The following INO80 variants were observed in gnomAD, a reference collection of about 807,000 sequenced individuals.
INO80 encodes INO80 complex ATPase subunit.
A neutral mutation model predicts 203.4 loss-of-function variants in INO80; 20 were observed. That is an observed-to-expected ratio of 0.10 (90% CI 0.07 to 0.14). The LOEUF is 0.14. Among genes scored for constraint, INO80 ranks in the 10% least tolerant of loss-of-function variants. The pLI, the probability that INO80 is intolerant of heterozygous loss-of-function variation, is 1.00. For missense variants in INO80, 1,419 were observed against 1,914.4 expected (o/e 0.74, Z 4.83); for synonymous variants, 726 against 685.2 (o/e 1.06, Z -0.93).
At chr15:41,063,736 A>T (rs578228662) in intron 14 of INO80, among the ~76,000 whole-genome samples, 1 of 152,180 alleles carries the variant, frequency 6.6e-6, no homozygotes, top group Non-Finnish European at 1.5e-5. Flanking sequence ...GCGCCACTGC[A>T]CTCCAGCCTG....
chr15:41,062,453 T>C (rs2045129561), intron 14 of INO80, among the ~76,000 whole-genome samples: 2 of 152,002 alleles, frequency 1.3e-5, no homozygotes, highest in South Asian at 4.2e-4. Context: ...AATACAAAAA[T>C]TAGCTGGGCG....
At chr15:41,013,104 C>CACAACAACA (rs1555399574) in intron 27 of INO80, 4 of 150,524 alleles carry the variant, frequency 2.7e-5, no homozygotes, top group African/African-American at 7.4e-5. Flanking sequence ...CAACAACAAC[C>CACAACAACA]ACCACAACAA....
At chr15:41,000,830 CAGA>C (rs1245438181) in intron 28 of INO80, among the ~76,000 whole-genome samples, 1 of 150,144 alleles carries the variant, frequency 6.7e-6, no homozygotes, top group Non-Finnish European at 1.5e-5. Flanking sequence ...GGGCTATATA[CAGA>C]AGAACACTAG....
chr15:40,990,792 C>G (rs1443293148), intron 29 of INO80, among the ~76,000 whole-genome samples: 1 of 152,176 alleles, frequency 6.6e-6, no homozygotes, highest in Admixed American at 6.5e-5. Flanking sequence ...GAGAACAGAG[C>G]TAACAAAAGT....
At chr15:41,046,771 C>T (rs751493569) in intron 23 of INO80, among the ~76,000 whole-genome samples, 5 of 151,884 alleles carry the variant, frequency 3.3e-5, no homozygotes, top group Non-Finnish European at 5.9e-5. Context: ...TGGTGTACCA[C>T]CACACCCAGC....
chr15:40,984,374 T>A (rs185094530), intron 32 of INO80, 22 bp from the exon 33 acceptor site: 1 of 1,609,468 alleles, frequency 6.2e-7, no homozygotes, highest in Non-Finnish European at 8.5e-7. Flanking sequence ...CGGATAAATA[T>A]GGAAAACGTG....
intron 16 of INO80, among the ~76,000 whole-genome samples, chr15:41,057,923 T>TA (rs1024402239): frequency 1.4e-5 from 2 of 146,108 alleles, no homozygotes; most frequent in African/African-American, 2.5e-5. Flanking sequence ...CATGAGTTAA[T>TA]AAAAAAAATA....
chr15:41,095,976 ATAATT>A lies in INO80; in HGVS notation c.144-53_144-49del, dbSNP rs374815660. On this transcript the variant is annotated intron_variant, in intron 2 of 35. Coordinates refer to ENST00000648947, the MANE Select transcript of INO80 (RefSeq NM_017553.3). ...ACAATTACAGCTGACCCAATAAAAT[ATAATT>A]TAAAGTTAGAACTGGACACTTTACA... The A allele has an allele frequency of 5.4e-4, 842 of 1,559,342 alleles. 3 individuals are homozygous for A. The Middle Eastern group carries it at 0.016, about 29-fold the overall frequency.
At chr15:41,013,567 C>G (rs1428040327) in intron 27 of INO80, among the ~76,000 whole-genome samples, 1 of 152,168 alleles carries the variant, frequency 6.6e-6, no homozygotes, top group Non-Finnish European at 1.5e-5. Context: ...ATATGGTAAA[C>G]ACTTTGGGCA....
At chr15:41,008,578 C>T (rs1372208063) in intron 27 of INO80, among the ~76,000 whole-genome samples, 2 of 152,080 alleles carry the variant, frequency 1.3e-5, no homozygotes, top group African/African-American at 2.4e-5. Context: ...ATCACATGGT[C>T]GACCTTAAAT....
At chr15:40,999,282 C>T (rs1160994318) in intron 28 of INO80, 1 of 152,176 alleles carries the variant, frequency 6.6e-6, no homozygotes, top group Non-Finnish European at 1.5e-5. Context: ...GCTATTCTTC[C>T]TTGGTAAAGT....
chr15:40,986,707 T>C (rs1413440187), intron 31 of INO80, among the ~76,000 whole-genome samples: 2 of 152,068 alleles, frequency 1.3e-5, no homozygotes, highest in South Asian at 2.1e-4. Context: ...CTCACTGCAA[T>C]CTCCACCTCC....
At position 41,080,918 on chromosome 15, in the gene INO80, G is replaced by A. The variant is rs2045475966; in HGVS notation, c.927+102C>T. On this transcript the variant is annotated intron_variant, in intron 8 of 35. Transcript: ENST00000648947. ...CTCTCTTACGAACTATTAGATTCAT[G>A]ATCAACAGGTTACGACGGACAAGAG... 4 of 748,872 alleles carry A rather than the reference G, an allele frequency of 5.3e-6. No individual in the cohort carries two copies. In the Admixed American group the frequency reaches 6.4e-5, roughly 12 times the overall value. The allele number at this position is 748,872 out of a possible 1,614,324, so 46.4% of individuals were successfully genotyped here.
At chr15:41,082,874 A>T (rs186183761) in intron 7 of INO80, among the ~76,000 whole-genome samples, 1 of 152,000 alleles carries the variant, frequency 6.6e-6, no homozygotes, top group Non-Finnish European at 1.5e-5. Context: ...ACAGAACAAG[A>T]CCCTATCTCA....
At chr15:40,982,098 T>G (rs1287013695) in intron 35 of INO80, among the ~76,000 whole-genome samples, 1 of 152,222 alleles carries the variant, frequency 6.6e-6, no homozygotes, top group African/African-American at 2.4e-5. Flanking sequence ...GGCTTCCCCT[T>G]CTCATTGCTA....
intron 27 of INO80, among the ~76,000 whole-genome samples, chr15:41,010,405 T>A (rs1013994063): frequency 3.4e-5 from 5 of 147,834 alleles, no homozygotes; most frequent in Non-Finnish European, 7.5e-5. Context: ...CCTTTTTAAA[T>A]TTTTTTTTTT....
chr15:41,009,675 C>T (rs1261490907), intron 27 of INO80, among the ~76,000 whole-genome samples: 2 of 151,956 alleles, frequency 1.3e-5, no homozygotes. Context: ...GCAGCCTCGA[C>T]CTCCTGGGCT....
intron 33 of INO80, 61 bp downstream of exon 33, chr15:40,984,136 C>A (rs1893935750): frequency 6.5e-7 from 1 of 1,538,544 alleles, no homozygotes; most frequent in Non-Finnish European, 8.9e-7. Context: ...GCAGTGTGTC[C>A]CTGCTACACG....
intron 4 of INO80, among the ~76,000 whole-genome samples, chr15:41,092,517 C>T (rs2045660274): frequency 1.3e-5 from 2 of 151,884 alleles, no homozygotes; most frequent in African/African-American, 4.8e-5. Flanking sequence ...AAAAAAACAA[C>T]TACCTATAGG....
Sources: allele counts gnomAD v4.1 joint callset (sites outside exome capture counted in the v4.1 genomes callset), GRCh38; gene constraint gnomAD v4.1.1; transcripts MANE v1.5; gene names NCBI Gene and HGNC (gene_info 2026-07-23, HGNC 2026-07-21).